SCHIP1: variants seen among roughly 807,000 people sequenced by gnomAD.
SCHIP1 encodes schwannomin interacting protein 1, also known as schwannomin-interacting protein 1.
In SCHIP1, 8 loss-of-function variants were observed where a neutral mutation model predicts 29.7. That is an observed-to-expected ratio of 0.27 (90% CI 0.16 to 0.49). SCHIP1 has a LOEUF of 0.49. SCHIP1 is among the 20% of genes least tolerant of loss of function. The pLI is 0.99. For missense variants in SCHIP1, 193 were observed against 294.6 expected, an observed-to-expected ratio of 0.66 and a Z score of 2.52; for synonymous variants, 76 against 94.9, an observed-to-expected ratio of 0.80 and a Z score of 1.16.
At chr3:159,752,987 G>A in the SCHIP1 span, among the ~76,000 whole-genome samples, 1 of 152,056 alleles carries the variant, frequency 6.6e-6, no homozygotes, top group Non-Finnish European at 1.5e-5. Flanking sequence ...GAGCCTCTTC[G>A]TGCATAAATC....
At chr3:159,537,611 C>A in the SCHIP1 span, among the ~76,000 whole-genome samples, 1 of 152,118 alleles carries the variant, frequency 6.6e-6, no homozygotes, top group Non-Finnish European at 1.5e-5. Flanking sequence ...GGTCCTCTGA[C>A]CCTAAACTTT....
the SCHIP1 span, among the ~76,000 whole-genome samples, chr3:159,505,743 T>C: frequency 5.3e-5 from 8 of 152,310 alleles, no homozygotes; most frequent in Admixed American, 3.3e-4. Flanking sequence ...GTCCTTGCGA[T>C]AGTTTGCTGA....
At chr3:159,404,353 G>A in the SCHIP1 span, among the ~76,000 whole-genome samples, 23 of 152,238 alleles carry the variant, frequency 1.5e-4, no homozygotes, top group South Asian at 3.9e-3. Flanking sequence ...ATTTCAGGTC[G>A]TTGCTCTTCG....
chr3:159,276,230 A>G, the SCHIP1 span, among the ~76,000 whole-genome samples: 8 of 152,190 alleles, frequency 5.3e-5, no homozygotes, highest in African/African-American at 1.9e-4. Context: ...TCCCCTAGCT[A>G]CAGTCCCAAC....
chr3:159,327,509 G>A, the SCHIP1 span, among the ~76,000 whole-genome samples: 12 of 152,298 alleles, frequency 7.9e-5, no homozygotes, highest in East Asian at 2.1e-3. Context: ...AGTTAGCAGG[G>A]TTTCTTTAAT....
At chr3:159,585,571 G>T in the SCHIP1 span, among the ~76,000 whole-genome samples, 1 of 152,106 alleles carries the variant, frequency 6.6e-6, no homozygotes, top group Non-Finnish European at 1.5e-5. Context: ...CTTTCAGGTT[G>T]TGATTTCTGA....
At chr3:159,411,671 G>A in the SCHIP1 span, among the ~76,000 whole-genome samples, 1 of 152,104 alleles carries the variant, frequency 6.6e-6, no homozygotes, top group East Asian at 1.9e-4. Context: ...GTAAAACAAA[G>A]TACTTGCATA....
the SCHIP1 span, among the ~76,000 whole-genome samples, chr3:159,806,845 G>A: frequency 3.3e-5 from 5 of 152,162 alleles, no homozygotes; most frequent in African/African-American, 1.2e-4. Context: ...GGGCAGATAA[G>A]TATCATAGCG....
the SCHIP1 span, among the ~76,000 whole-genome samples, chr3:159,492,205 C>G: frequency 6.6e-6 from 1 of 152,196 alleles, no homozygotes; most frequent in Non-Finnish European, 1.5e-5. Flanking sequence ...TCTCCTCCTC[C>G]AAAGGAACAC....
At chr3:159,767,209 A>G in the SCHIP1 span, among the ~76,000 whole-genome samples, 1 of 152,258 alleles carries the variant, frequency 6.6e-6, no homozygotes, top group Admixed American at 6.5e-5. Flanking sequence ...TTTTTCAAAC[A>G]GTAAGTTTCC....
At chr3:159,517,133 A>G in the SCHIP1 span, among the ~76,000 whole-genome samples, 1 of 152,072 alleles carries the variant, frequency 6.6e-6, no homozygotes, top group African/African-American at 2.4e-5. Context: ...GGCTACTCTC[A>G]CCCCTTCATG....
At chr3:159,653,723 C>A in the SCHIP1 span, among the ~76,000 whole-genome samples, 2 of 145,128 alleles carry the variant, frequency 1.4e-5, no homozygotes, top group Non-Finnish European at 3.0e-5. Flanking sequence ...CCTGCACATT[C>A]TGCACATGTA....
At chr3:159,284,830 T>C in the SCHIP1 span, among the ~76,000 whole-genome samples, 3 of 152,170 alleles carry the variant, frequency 2.0e-5, no homozygotes, top group African/African-American at 7.2e-5. Context: ...TCCATTTATT[T>C]TTTCTTCAGT....
the SCHIP1 span, among the ~76,000 whole-genome samples, chr3:159,328,892 C>T: frequency 6.6e-6 from 1 of 152,156 alleles, no homozygotes; most frequent in South Asian, 2.1e-4. Context: ...GGTTATTTAA[C>T]CCCTGTGAGT....
intron 5 of SCHIP1, among the ~76,000 whole-genome samples, chr3:159,890,257 G>A (rs1408713698): frequency 6.6e-6 from 1 of 152,132 alleles, no homozygotes; most frequent in Non-Finnish European, 1.5e-5. Flanking sequence ...GTTGATAATT[G>A]TTGAAGCTAG....
At chr3:159,698,596 G>A in the SCHIP1 span, among the ~76,000 whole-genome samples, 1 of 152,008 alleles carries the variant, frequency 6.6e-6, no homozygotes, top group South Asian at 2.1e-4. Flanking sequence ...TGTCTCAACT[G>A]TAAAATGAGG....
At chr3:159,815,937 C>CTATTTAATT in the SCHIP1 span, among the ~76,000 whole-genome samples, 1 of 147,444 alleles carries the variant, frequency 6.8e-6, no homozygotes, top group East Asian at 2.0e-4. Flanking sequence ...GCCTCTGGTC[C>CTATTTAATT]TATTTATTTA....
At chr3:159,872,110 T>C (rs946482114) in intron 2 of SCHIP1, among the ~76,000 whole-genome samples, 2 of 152,226 alleles carry the variant, frequency 1.3e-5, no homozygotes, top group African/African-American at 4.8e-5. Flanking sequence ...AAATCCCTTG[T>C]GTGCTGTTGT....
At chr3:159,534,111 T>C in the SCHIP1 span, among the ~76,000 whole-genome samples, 11 of 152,340 alleles carry the variant, frequency 7.2e-5, no homozygotes, top group African/African-American at 2.6e-4. Context: ...TTTAATAATG[T>C]ACATTCTGTT....
Sources: allele counts gnomAD v4.1 joint callset (sites outside exome capture counted in the v4.1 genomes callset), GRCh38; gene constraint gnomAD v4.1.1; transcripts MANE v1.5; gene names NCBI Gene and HGNC (gene_info 2026-07-23, HGNC 2026-07-21).